Variants in COL10A1 observed in about 807,000 individuals in gnomAD.
COL10A1 encodes collagen alpha-1(X) chain.
A neutral mutation model predicts 18.2 loss-of-function variants in COL10A1; 10 were observed. The observed-to-expected ratio is 0.55, with a 90% confidence interval of 0.34 to 0.93. The LOEUF (loss-of-function observed/expected upper bound fraction) is 0.93, where lower values mean the gene tolerates loss of function less well. COL10A1 is among the 40% of genes least tolerant of loss of function. The probability of loss-of-function intolerance (pLI) is 0.02; values close to 1 mark genes in which losing one functional copy is unlikely to be tolerated. For missense variants in COL10A1, 897 were observed against 853.5 expected (o/e 1.05, Z -0.64); for synonymous variants, 330 against 316.6 (o/e 1.04, Z -0.45).
the COL10A1 span, among the ~76,000 whole-genome samples, chr6:116,192,654 C>T: frequency 1.4e-4 from 22 of 151,976 alleles, no homozygotes; most frequent in African/African-American, 5.1e-4. Context: ...ATATGAAGTT[C>T]AAAACTTTGT....
the COL10A1 span, among the ~76,000 whole-genome samples, chr6:116,166,922 G>T: frequency 2.6e-5 from 4 of 152,122 alleles, no homozygotes; most frequent in Non-Finnish European, 2.9e-5. Flanking sequence ...AAAGAATTGA[G>T]CCAAGGAAGT....
At chr6:116,164,687 G>A in the COL10A1 span, among the ~76,000 whole-genome samples, 1 of 152,136 alleles carries the variant, frequency 6.6e-6, no homozygotes, top group East Asian at 1.9e-4. Context: ...GTACTTACGT[G>A]TGCTTTTGTG....
chr6:116,214,617 A>G, the COL10A1 span, among the ~76,000 whole-genome samples: 1 of 152,110 alleles, frequency 6.6e-6, no homozygotes, highest in Non-Finnish European at 1.5e-5. Flanking sequence ...CAGAAACTCT[A>G]GGAGTATTTT....
At chr6:116,122,787 C>T (rs1292648485) in intron 2 of COL10A1, among the ~76,000 whole-genome samples, 2 of 151,648 alleles carry the variant, frequency 1.3e-5, no homozygotes, top group Non-Finnish European at 1.5e-5. Flanking sequence ...ATAGATATGC[C>T]GAAATAGGAA....
At chr6:116,147,067 A>G (rs1278248983) in intron 1 of COL10A1, among the ~76,000 whole-genome samples, 1 of 151,398 alleles carries the variant, frequency 6.6e-6, no homozygotes, top group Non-Finnish European at 1.5e-5. Context: ...ACCCAGAACT[A>G]TAAAAGAAAA....
At chr6:116,165,099 A>G in the COL10A1 span, among the ~76,000 whole-genome samples, 1 of 25,440 alleles carries the variant, frequency 3.9e-5, no homozygotes, top group Non-Finnish European at 7.0e-5. Flanking sequence ...TCCGTCTCAG[A>G]AAAAAAAAAA....
intron 1 of COL10A1, among the ~76,000 whole-genome samples, chr6:116,154,823 G>A (rs539840822): frequency 1.4e-4 from 21 of 152,226 alleles, no homozygotes; most frequent in Non-Finnish European, 2.6e-4. Context: ...GAGGCATCTT[G>A]TTACTTTCTT....
At chr6:116,145,373 T>C in intron 1 of COL10A1, 1 of 309,916 alleles carries the variant, frequency 3.2e-6, no homozygotes, top group Non-Finnish European at 7.3e-6. Flanking sequence ...AACATTAAAT[T>C]GATGGTAAGA....
At chr6:116,212,404 A>G in the COL10A1 span, among the ~76,000 whole-genome samples, 1 of 152,086 alleles carries the variant, frequency 6.6e-6, no homozygotes, top group East Asian at 1.9e-4. Flanking sequence ...GGGCTTTCCT[A>G]TTTATATAAT....
In COL10A1 at chr6:116,136,658, G is replaced by A. The variant is rs186101410; in HGVS notation, c.-15-11151C>T. Among the ~76,000 whole-genome samples, 43 of 152,166 alleles carry A rather than the reference G, an allele frequency of 2.8e-4. No individual in the cohort carries two copies. The East Asian group carries it at 4.8e-3, about 17-fold the overall frequency. On this transcript the variant is annotated intron_variant, in intron 1 of 1. Transcript: ENST00000418500. ...AATCTCAGATGTGACTTACTGTTCT[G>A]ATATGGCAGTATCTATCTTTCATAT...
chr6:116,134,728 A>G (rs1779547060), intron 1 of COL10A1, among the ~76,000 whole-genome samples: 2 of 152,210 alleles, frequency 1.3e-5, no homozygotes, highest in Admixed American at 1.3e-4. Context: ...TAGTTTTCAC[A>G]AAAGAAAATA....
At chr6:116,206,969 T>C in the COL10A1 span, among the ~76,000 whole-genome samples, 27 of 152,092 alleles carry the variant, frequency 1.8e-4, no homozygotes, top group East Asian at 1.9e-4. Flanking sequence ...ATTCTAGAAT[T>C]TAAAGTTCTC....
chr6:116,205,928 G>A, the COL10A1 span, among the ~76,000 whole-genome samples: 8 of 151,914 alleles, frequency 5.3e-5, no homozygotes, highest in African/African-American at 1.9e-4. Flanking sequence ...TGCACAATGA[G>A]ATTAGGTTTT....
intron 2 of COL10A1, among the ~76,000 whole-genome samples, chr6:116,124,747 T>G (rs1379879558): frequency 2.0e-5 from 3 of 152,198 alleles, no homozygotes; most frequent in Non-Finnish European, 2.9e-5. Context: ...CAGTTAAGTC[T>G]CTGCATTTTA....
chr6:116,121,007 G>A lies in COL10A1; in HGVS notation c.1109C>T (p.Ala370Val). The A allele has an allele frequency of 1.2e-6, 2 of 1,614,002 alleles. No individual in the cohort carries two copies. The highest frequency in any genetic ancestry group is 1.3e-5 in the African/African-American group (1 of 75,032). Residue 370 changes from alanine (A) to valine (V), a missense_variant, in exon 3 of 3, where the codon GCA becomes GTA. By Grantham distance (64) the Ala-to-Val change is moderately conservative (BLOSUM62 0). Transcript: ENST00000651968. Reference sequence around the variant, plus strand: ...TTCACCCTTAGCCCCAGGGTATCCTGCAGGCCCAGCTGGCCCTGTCTCACC... The same window carrying A: ...TTCACCCTTAGCCCCAGGGTATCCTACAGGCCCAGCTGGCCCTGTCTCACC... Reference protein sequence around the residue: ...PKGETGPAGPAGYPGAKGERG... With the variant: ...PKGETGPAGPVGYPGAKGERG...
At position 116,121,436 on chromosome 6, in the gene COL10A1, A is replaced by G; in HGVS notation, c.680T>C (p.Val227Ala). Residue 227 changes from valine to alanine, a missense_variant, in exon 3 of 3, where the codon GTT (valine) becomes GCT (alanine). Physicochemically the swap from Val to Ala is moderately conservative, Grantham distance 64. Coordinates refer to ENST00000651968, the MANE Select transcript of COL10A1 (RefSeq NM_000493.4). ...PGVGKRGENG[V>A]PGQPGIKGDR... ...ACCTTTGATGCCTGGCTGTCCTGGA[A>G]CCCCATTTTCACCTCTTTTTCCCAC... 2.5e-6 allele frequency: 4 copies of G among 1,613,662 alleles called. No individual in the cohort carries two copies. Among genetic ancestry groups the G allele is most frequent in the East Asian group, 2.2e-5 (1 of 44,838 alleles).
chr6:116,143,712 A>G (rs1023347162), intron 1 of COL10A1, among the ~76,000 whole-genome samples: 6 of 152,288 alleles, frequency 3.9e-5, no homozygotes, highest in Non-Finnish European at 8.8e-5. Flanking sequence ...TTTGATATAT[A>G]ATTTTAAAGA....
chr6:116,121,156 A>G lies in COL10A1; in HGVS notation c.960T>C (p.Gly320=), dbSNP rs983575729. 1 of 1,612,794 alleles carries G rather than the reference A, an allele frequency of 6.2e-7. No homozygotes were observed. Among genetic ancestry groups the G allele is most frequent in the Non-Finnish European group, 8.5e-7 (1 of 1,179,476 alleles). ...CTGCTGGCCCTTGTTCCCCTTTGGCACCTGGACCCCCAGGAAGGCCAGCAG... is the reference window on the plus strand; with the variant it reads ...CTGCTGGCCCTTGTTCCCCTTTGGCGCCTGGACCCCCAGGAAGGCCAGCAG... The part of the protein sequence containing the change: ...RGPAGLPGGP[G]AKGEQGPAGL... The change falls in exon 3 of 3, where the codon GGT becomes GGC. Residue 320 remains glycine, a synonymous_variant. Coordinates refer to ENST00000651968, the MANE Select transcript of COL10A1 (RefSeq NM_000493.4).
At chr6:116,135,870 T>TACACACAC (rs1171866948) in intron 1 of COL10A1, among the ~76,000 whole-genome samples, 3 of 119,274 alleles carry the variant, frequency 2.5e-5, no homozygotes, top group African/African-American at 1.0e-4. Flanking sequence ...TATATATATA[T>TACACACAC]ATACACACAT....
Sources: allele counts gnomAD v4.1 joint callset (sites outside exome capture counted in the v4.1 genomes callset), GRCh38; gene constraint gnomAD v4.1.1; transcripts MANE v1.5; gene names NCBI Gene and HGNC (gene_info 2026-07-23, HGNC 2026-07-21).